The following ERC2 variants were observed in gnomAD, a reference collection of about 807,000 sequenced individuals.
ERC2 encodes the protein ERC protein 2.
In ERC2, 42 loss-of-function variants were observed where a neutral mutation model predicts 114.8. The observed-to-expected ratio is 0.37, with a 90% CI of 0.29 to 0.47. ERC2 has a LOEUF of 0.47. Ranked by LOEUF, ERC2 falls within the 20% of genes least tolerant of loss-of-function variation. The probability of loss-of-function intolerance (pLI) is 0.99; values close to 1 mark genes in which losing one functional copy is unlikely to be tolerated. For missense variants in ERC2, 939 were observed against 1,150.7 expected, an observed-to-expected ratio of 0.82 and a Z score of 2.66; for synonymous variants, 454 against 425.5, an observed-to-expected ratio of 1.07 and a Z score of -0.82.
intron 3 of ERC2, among the ~76,000 whole-genome samples, chr3:56,279,137 T>C (rs2054189424): frequency 6.6e-6 from 1 of 152,146 alleles, no homozygotes; most frequent in South Asian, 2.1e-4. Flanking sequence ...TGTAAGTAGT[T>C]AAAAATAAAA....
chr3:55,513,179 T>C (rs2052219811), intron 17 of ERC2, among the ~76,000 whole-genome samples: 1 of 152,168 alleles, frequency 6.6e-6, no homozygotes, highest in Admixed American at 6.5e-5. Context: ...TGACATCCAG[T>C]CCATAGTGCA....
At chr3:56,038,693 T>A (rs1268093097) in intron 7 of ERC2, among the ~76,000 whole-genome samples, 8 of 152,156 alleles carry the variant, frequency 5.3e-5, no homozygotes, top group Admixed American at 5.2e-4. Flanking sequence ...CAAATGCCCA[T>A]CAGTGATAGA....
Position 55,693,872 on chromosome 3 carries a change from C to G in ERC2, c.2847+5506G>C, listed in dbSNP as rs185443380. 7.0e-4 allele frequency among the ~76,000 whole-genome samples: 106 copies of G among 152,132 alleles called. 1 individual carries two copies. Among genetic ancestry groups the G allele is most frequent in the African/African-American group, 2.5e-3 (102 of 41,496 alleles). On this transcript the variant is annotated intron_variant, in intron 16 of 17. Coordinates refer to ENST00000288221, the MANE Select transcript of ERC2 (RefSeq NM_015576.3). ...TACAGGCACTCACCACCACACCCGG[C>G]TAATTTTTGTATTTTTAGTAGAGAT...
chr3:55,599,398 T>C lies in ERC2; in HGVS notation c.*39+84396A>G, dbSNP rs140997594. On this transcript the variant is annotated intron_variant, in intron 17 of 17. Transcript: ENST00000288221. ...ATTCAGTAATGTTCTGAAATGCTAA[T>C]GTATTTAAATTAAGTAATGTTTTTA... 7.0e-3 allele frequency among the ~76,000 whole-genome samples: 1,061 copies of C among 152,352 alleles called. 13 individuals carry two copies. Among genetic ancestry groups the C allele is most frequent in the African/African-American group, 0.024 (1,008 of 41,574 alleles).
intron 17 of ERC2, among the ~76,000 whole-genome samples, chr3:55,634,977 G>A (rs2059899290): frequency 6.6e-6 from 1 of 152,016 alleles, no homozygotes; most frequent in South Asian, 2.1e-4. Flanking sequence ...CGCCTACTGG[G>A]TTCAAGCAAT....
chr3:56,206,149 A>G (rs1047269185), intron 3 of ERC2, among the ~76,000 whole-genome samples: 2 of 151,512 alleles, frequency 1.3e-5, no homozygotes, highest in African/African-American at 2.4e-5. Context: ...GGGAATGTTT[A>G]GTAACTTTCT....
intron 13 of ERC2, among the ~76,000 whole-genome samples, chr3:55,932,378 T>C (rs903516537): frequency 3.3e-5 from 5 of 152,230 alleles, no homozygotes; most frequent in Non-Finnish European, 5.9e-5. Flanking sequence ...TGGGGCTAAG[T>C]ATTTAATGCA....
At chr3:55,961,278 C>A (rs748845508) in intron 12 of ERC2, among the ~76,000 whole-genome samples, 4 of 152,196 alleles carry the variant, frequency 2.6e-5, no homozygotes, top group Non-Finnish European at 4.4e-5. Context: ...TCTGAACAAG[C>A]AGTTTCCTCT....
At chr3:55,977,298 A>G (rs2069668890) in intron 12 of ERC2, among the ~76,000 whole-genome samples, 1 of 152,246 alleles carries the variant, frequency 6.6e-6, no homozygotes, top group Non-Finnish European at 1.5e-5. Flanking sequence ...ACATTTGACT[A>G]TGTAAAATAA....
At chr3:55,639,296 AT>A (rs1212005805) in intron 17 of ERC2, among the ~76,000 whole-genome samples, 1 of 152,160 alleles carries the variant, frequency 6.6e-6, no homozygotes, top group African/African-American at 2.4e-5. Context: ...CCAACCCCAA[AT>A]GGACAGAGAG....
intron 14 of ERC2, among the ~76,000 whole-genome samples, chr3:55,875,281 A>G (rs1222844230): frequency 1.3e-5 from 2 of 152,170 alleles, no homozygotes; most frequent in Non-Finnish European, 1.5e-5. Flanking sequence ...AAAAACACCA[A>G]TTTCAAAATA....
At position 55,997,888 on chromosome 3, in the gene ERC2, T is replaced by G. The variant is rs1246635435; in HGVS notation, c.2062-5638A>C. Among the ~76,000 whole-genome samples the G allele has an allele frequency of 5.8e-4, 28 of 47,996 alleles. 1 individual carries two copies. Among genetic ancestry groups the G allele is most frequent in the South Asian group, 3.6e-3 (4 of 1,114 alleles). The allele number at this position is 47,996 out of a possible 152,430, so 31.5% of individuals were successfully genotyped here. ...TTATACATCTTAATTCTGTTTTTTT[T>G]TTTTTTTTTTTTTTTTTTTGTGTGT... is the stretch of plus-strand genomic sequence containing the variant. On this transcript the variant is annotated intron_variant, in intron 10 of 17. Transcript: ENST00000288221.
chr3:56,301,154 C>A (rs1367874834), intron 2 of ERC2, among the ~76,000 whole-genome samples: 1 of 152,096 alleles, frequency 6.6e-6, no homozygotes. Flanking sequence ...ATGGATGCTT[C>A]CAGGCTGTAC....
intron 2 of ERC2, among the ~76,000 whole-genome samples, chr3:56,302,871 C>G (rs2055974258): frequency 6.6e-6 from 1 of 152,214 alleles, no homozygotes; most frequent in Non-Finnish European, 1.5e-5. Context: ...TTCCAATACC[C>G]ACTTGCACTA....
At chr3:55,999,792 A>G (rs2071888384) in intron 10 of ERC2, among the ~76,000 whole-genome samples, 1 of 151,572 alleles carries the variant, frequency 6.6e-6, no homozygotes, top group Non-Finnish European at 1.5e-5. Context: ...GGAACATATA[A>G]ATAGTTCTAA....
At chr3:56,417,016 G>A (rs1275559861) in intron 2 of ERC2, among the ~76,000 whole-genome samples, 3 of 152,180 alleles carry the variant, frequency 2.0e-5, no homozygotes, top group Admixed American at 6.5e-5. Context: ...CTATTGAAGT[G>A]TCATTATAAG....
chr3:55,991,189 C>T (rs545553682), intron 11 of ERC2, among the ~76,000 whole-genome samples: 1 of 152,138 alleles, frequency 6.6e-6, no homozygotes, highest in African/African-American at 2.4e-5. Context: ...TCCTTTAGGG[C>T]CTCACAAGTG....
chr3:56,403,777 G>T (rs1371821253), intron 2 of ERC2, among the ~76,000 whole-genome samples: 1 of 152,158 alleles, frequency 6.6e-6, no homozygotes, highest in Non-Finnish European at 1.5e-5. Flanking sequence ...TCCTCAGCCT[G>T]TCATCATATG....
chr3:56,021,412 GC>G lies in ERC2; in HGVS notation c.1642-2382del, dbSNP rs1409826194. On this transcript the variant is annotated intron_variant, in intron 7 of 17. Coordinates refer to ENST00000288221, the MANE Select transcript of ERC2 (RefSeq NM_015576.3). ...GGTTATCCAGCTGGTAAAATTATGGGCCATTTTTGGTTTATATTTATACATA... is the reference window on the plus strand; with the variant it reads ...GGTTATCCAGCTGGTAAAATTATGGGCATTTTTGGTTTATATTTATACATA... Among the ~76,000 whole-genome samples, 5 of 151,782 alleles carry G rather than the reference GC, an allele frequency of 3.3e-5. No individual in the cohort carries two copies. In the East Asian group the frequency reaches 7.8e-4, roughly 24 times the overall value.
Sources: allele counts gnomAD v4.1 joint callset (sites outside exome capture counted in the v4.1 genomes callset), GRCh38; gene constraint gnomAD v4.1.1; transcripts MANE v1.5; gene names NCBI Gene and HGNC (gene_info 2026-07-23, HGNC 2026-07-21).